RHBG: variants seen among roughly 807,000 people sequenced by gnomAD.
RHBG encodes ammonium transporter Rh type B.
RHBG carries 39 observed loss-of-function variants against 40.1 expected under a neutral mutation model. The ratio of observed to expected loss-of-function variants is 0.97; its 90% CI spans 0.75 to 1.27. The LOEUF is 1.27. Among genes scored for constraint, RHBG ranks in the 50% most tolerant of loss-of-function variants. RHBG has a pLI of 0.00. For missense variants in RHBG, 549 were observed against 588.1 expected (o/e 0.93, Z 0.69); for synonymous variants, 237 against 252.5 (o/e 0.94, Z 0.58).
chr1:156,370,614 C>CAAAAAAAAAA (rs59248542), intron 1 of RHBG, among the ~76,000 whole-genome samples: 5 of 66,096 alleles, frequency 7.6e-5, no homozygotes, highest in East Asian at 4.3e-4. Flanking sequence ...GACTCTGTCT[C>CAAAAAAAAAA]AAAAAAAAAA....
rs771463516 is a variant in RHBG at position 156,382,169 on chromosome 1, T to G, written c.1080T>G (p.Ala360=). 1.2e-6 allele frequency: 2 copies of G among 1,614,140 alleles called. No homozygotes were observed. Among genetic ancestry groups the G allele is most frequent in the East Asian group, 4.5e-5 (2 of 44,882 alleles). ...GGGCCCTCCTGGGGGTCCTTGTGGC[T>G]GGACTTGCCACCCATGAAGCTTACG... ...VLGALLGVLV[A]GLATHEAYGD... The change falls in exon 7 of 10, where the codon GCT becomes GCG. Residue 360 remains alanine (A), a synonymous_variant. Transcript: ENST00000537040.
intron 3 of RHBG, 30 bp from the exon 4 acceptor site, chr1:156,378,222 G>A (rs771275365): frequency 1.1e-5 from 17 of 1,610,488 alleles, no homozygotes; most frequent in Admixed American, 3.3e-5. Context: ...GGGTGGGGGC[G>A]GGGTGCTGCC....
chr1:156,377,065 T>A lies in RHBG; in HGVS notation c.188-236T>A, dbSNP rs1667252155. ...AAATGAATAGAGCAGAAGGCTTTAC[T>A]CCCTTGCTCTGACACGAGGACAGCA... On this transcript the variant is annotated intron_variant, in intron 1 of 9. Transcript: ENST00000537040. The surrounding 1 kb of genome is among the most constrained non-coding windows in gnomAD (Gnocchi z 4.6). Among the ~76,000 whole-genome samples the A allele has an allele frequency of 6.6e-6, 1 of 152,176 alleles. No homozygotes were observed. The highest frequency in any genetic ancestry group is 1.5e-5 in the Non-Finnish European group (1 of 68,026).
Position 156,378,262 on chromosome 1 carries a change from C to A in RHBG, c.536C>A (p.Ala179Asp). ...VLLHLLGVRD[A>D]GGSMTIHTFG... ...ACCCCACCTCCCCAGGTGAGAGATG[C>A]CGGAGGCTCCATGACTATCCACACC... is the stretch of plus-strand genomic sequence containing the variant. The change falls in exon 4 of 10, where the codon GCC becomes GAC. Residue 179 changes from alanine to aspartate, a missense_variant. This residue lies in a region of RHBG where 399 missense variants were observed against 417.0 expected (regional missense o/e 0.96). Transcript: ENST00000537040. 1 of 1,613,914 alleles carries A rather than the reference C, an allele frequency of 6.2e-7. No homozygotes were observed. Among genetic ancestry groups the A allele is most frequent in the Non-Finnish European group, 8.5e-7 (1 of 1,179,996 alleles).
chr1:156,385,193 G>A lies in RHBG; in HGVS notation c.*348G>A, dbSNP rs1422108993. 1 of 230,488 alleles carries A rather than the reference G, an allele frequency of 4.3e-6. No individual in the cohort carries two copies. The highest frequency in any genetic ancestry group is 9.4e-5 in the East Asian group (1 of 10,648). The allele number at this position is 230,488 out of a possible 1,614,324, so 14.3% of individuals were successfully genotyped here. ...AGTGAAGCCCAAGCCAGGCCTGGTTGAGGGTGATAAACGCCACTGTCTCTA... is the reference window on the plus strand; with the variant it reads ...AGTGAAGCCCAAGCCAGGCCTGGTTAAGGGTGATAAACGCCACTGTCTCTA... On this transcript the variant is annotated 3_prime_UTR_variant, in exon 10 of 10. Coordinates refer to ENST00000537040, the MANE Select transcript of RHBG (RefSeq NM_020407.5).
At chr1:156,371,421 A>G (rs1296887239) in intron 1 of RHBG, 1 of 302,628 alleles carries the variant, frequency 3.3e-6, no homozygotes, top group Non-Finnish European at 6.4e-6. Flanking sequence ...CGGCCTCCCA[A>G]TGTGCTGGGA....
intron 1 of RHBG, chr1:156,371,204 G>C (rs1228508938): frequency 9.9e-5 from 40 of 405,368 alleles, no homozygotes; most frequent in Non-Finnish European, 1.7e-4. Flanking sequence ...CTGTTGCCCA[G>C]GCTGGAGTGC....
At position 156,384,902 on chromosome 1, in the gene RHBG, A is replaced by G. The variant is rs1667943091; in HGVS notation, c.*57A>G. On this transcript the variant is annotated 3_prime_UTR_variant, in exon 10 of 10. Coordinates refer to ENST00000537040, the MANE Select transcript of RHBG (RefSeq NM_020407.5). ...TTTTCGAAGATGCTGACTGGCTGCT[A>G]CTAGGAAGTTCTTTTTGAGCTCCCA... The G allele has an allele frequency of 2.6e-6, 3 of 1,159,338 alleles. No homozygotes were observed. The highest frequency in any genetic ancestry group is 3.8e-6 in the Non-Finnish European group (3 of 794,688). The allele number at this position is 1,159,338 out of a possible 1,614,324, so 71.8% of individuals were successfully genotyped here.
chr1:156,382,022 G>T (rs367946583), intron 6 of RHBG, 46 bp from the exon 7 acceptor site: 1,535 of 1,609,480 alleles, frequency 9.5e-4, no homozygotes, highest in Non-Finnish European at 1.2e-3. Flanking sequence ...AGGATGAGGT[G>T]GTGGGGAGTG....
At position 156,384,807 on chromosome 1, in the gene RHBG, A is replaced by G. The variant is rs1200612154; in HGVS notation, c.1339A>G (p.Arg447Gly). The G allele has an allele frequency of 6.2e-6, 10 of 1,613,996 alleles. No individual in the cohort carries two copies. Among genetic ancestry groups the G allele is most frequent in the Non-Finnish European group, 7.6e-6 (9 of 1,179,932 alleles). Residue 447 changes from arginine to glycine, a missense_variant, in exon 10 of 10, where the codon AGA becomes GGA. Around this residue, in one of 3 missense-constraint regions of RHBG, gnomAD observed 399 missense variants for 417.0 expected, o/e 0.96. Transcript: ENST00000537040. ...VPGEHEDKAQ[R>G]PLRVEEADTQ... ...TGGCGAGCATGAGGATAAAGCCCAG[A>G]GACCTCTGAGGGTGGAGGAGGCAGA...
intron 1 of RHBG, chr1:156,371,064 A>G (rs776719659): frequency 5.7e-6 from 2 of 351,816 alleles, no homozygotes; most frequent in Admixed American, 3.9e-5. Flanking sequence ...GAGCAAGGGG[A>G]AAAAGGATGC....
At chr1:156,383,399 C>G (rs1344539117) in intron 8 of RHBG, among the ~76,000 whole-genome samples, 1 of 152,238 alleles carries the variant, frequency 6.6e-6, no homozygotes, top group Non-Finnish European at 1.5e-5. Flanking sequence ...GCCTCAGCCT[C>G]CGAGTAGCTG....
chr1:156,369,217 C>T lies in RHBG; in HGVS notation c.-33C>T, dbSNP rs1266119269. On this transcript the variant is annotated 5_prime_UTR_variant, in exon 1 of 10. Coordinates refer to ENST00000537040, the MANE Select transcript of RHBG (RefSeq NM_020407.5). ...GCCGCCGGGAATTGTCTGCCAAAGC[C>T]TGCGAGCGCCAGCCGAGATCGCAGC... 7 of 1,601,574 alleles carry T rather than the reference C, an allele frequency of 4.4e-6. No individual in the cohort carries two copies. Among genetic ancestry groups the T allele is most frequent in the Non-Finnish European group, 6.0e-6 (7 of 1,174,492 alleles).
intron 1 of RHBG, among the ~76,000 whole-genome samples, chr1:156,376,025 GTGAGCCAC>G (rs1454520539): frequency 6.6e-6 from 1 of 152,096 alleles, no homozygotes; most frequent in Non-Finnish European, 1.5e-5. Flanking sequence ...GATTACAGGT[GTGAGCCAC>G]TGTACCCAGC....
chr1:156,381,957 T>C lies in RHBG; in HGVS notation c.978+14T>C. The C allele has an allele frequency of 6.2e-7, 1 of 1,611,262 alleles. No homozygotes were observed. The highest frequency in any genetic ancestry group is 2.2e-5 in the East Asian group (1 of 44,854). The stretch of plus-strand genomic sequence containing the variant: ...AAGTTCTTCACGGTATAGATGCCTC[T>C]TGGAGCCTGGGCAGAACATGGAGTC... On this transcript the variant is annotated intron_variant, in intron 6 of 9. Transcript: ENST00000537040.
chr1:156,369,268 CGCGCCGCGGGCCG>C lies in RHBG; in HGVS notation c.23_35del (p.Ala8AspfsTer115), dbSNP rs747080344. ...CCAACCCATGGCCGGGTCTCCTAGC[CGCGCCGCGGGCCG>C]GCGACTGCAGCTTCCCCTGCTGTGC... On this transcript the variant is annotated frameshift_variant, in exon 1 of 10. Transcript: ENST00000537040. LOFTEE classifies it high-confidence loss of function. 7.4e-6 allele frequency: 12 copies of C among 1,613,458 alleles called. No individual in the cohort carries two copies. The highest frequency in any genetic ancestry group is 7.6e-6 in the Non-Finnish European group (9 of 1,179,904).
chr1:156,383,656 G>A (rs943983278), intron 8 of RHBG, among the ~76,000 whole-genome samples: 10 of 151,876 alleles, frequency 6.6e-5, no homozygotes, highest in African/African-American at 2.4e-4. Context: ...GGTTAGATGT[G>A]AATACAGGCA....
chr1:156,382,001 G>A (rs3748568), intron 6 of RHBG, 58 bp downstream of exon 6: 714,094 of 1,607,502 alleles, frequency 0.44, 162,040 homozygotes, highest in East Asian at 0.75. Context: ...CTTTCCTCCC[G>A]CCTCTCCAAC....
rs2101781105 is a variant in RHBG at position 156,377,780 on chromosome 1, A to G, written c.375-210A>G. ...GTGGGCTTTGTCAGATGAGTCACAG[A>G]ACCTCCTTGAGACTCGACTTCCTCA... On this transcript the variant is annotated intron_variant, in intron 2 of 9. Coordinates refer to ENST00000537040, the MANE Select transcript of RHBG (RefSeq NM_020407.5). This position sits in a 1 kb window ranked among gnomAD's most constrained non-coding sequence, Gnocchi z 4.6. Among the ~76,000 whole-genome samples the G allele has an allele frequency of 6.6e-6, 1 of 152,262 alleles. No homozygotes were observed. Among genetic ancestry groups the G allele is most frequent in the South Asian group, 2.1e-4 (1 of 4,818 alleles).
Sources: allele counts gnomAD v4.1 joint callset (sites outside exome capture counted in the v4.1 genomes callset), GRCh38; gene constraint gnomAD v4.1.1; regional missense constraint gnomAD v4.1.1; non-coding constraint Gnocchi (gnomAD v3.1); transcripts MANE v1.5; gene names NCBI Gene and HGNC (gene_info 2026-07-23, HGNC 2026-07-21).